NECAB1: variants seen among roughly 807,000 people sequenced by gnomAD.
NECAB1 encodes N-terminal EF-hand calcium binding protein 1.
Under a neutral mutation model 57.5 loss-of-function variants are expected in NECAB1, and 29 were observed. The ratio of observed to expected loss-of-function variants is 0.50; its 90% confidence interval spans 0.38 to 0.69. The LOEUF (loss-of-function observed/expected upper bound fraction) is 0.69, where lower values mean the gene tolerates loss of function less well. Ranked by LOEUF, NECAB1 falls within the 30% of genes least tolerant of loss-of-function variation. The pLI is 0.00. For missense variants in NECAB1, 372 were observed against 413.8 expected (o/e 0.90, Z 0.88); for synonymous variants, 142 against 147.7 (o/e 0.96, Z 0.28).
At chr8:90,908,185 G>A (rs1415321770) in intron 5 of NECAB1, among the ~76,000 whole-genome samples, 1 of 152,176 alleles carries the variant, frequency 6.6e-6, no homozygotes. Flanking sequence ...CATTACAAAT[G>A]AGTGTTATCC....
At chr8:90,928,058 G>A (rs1395711811) in intron 7 of NECAB1, among the ~76,000 whole-genome samples, 165 bp from the exon 8 acceptor site, 4 of 151,890 alleles carry the variant, frequency 2.6e-5, no homozygotes, top group African/African-American at 7.3e-5. Context: ...ATGGATCTAT[G>A]GAAATCAATA....
Position 90,955,628 on chromosome 8 carries a change from T to C in NECAB1, c.*116T>C. 7.3e-6 allele frequency: 5 copies of C among 682,426 alleles called. No individual in the cohort carries two copies. The highest frequency in any genetic ancestry group is 1.2e-5 in the Non-Finnish European group (5 of 422,296). 42.3% of individuals were successfully genotyped at this position (682,426 alleles called of 1,614,324 possible). On this transcript the variant is annotated 3_prime_UTR_variant, in exon 13 of 13. Transcript: ENST00000417640. ...CTACTGTATATTTTTGTTTGGTATA[T>C]TTACTAAGTGCACTCTTTCAAAACT...
At chr8:90,923,318 A>C (rs1586128864) in intron 6 of NECAB1, among the ~76,000 whole-genome samples, 1 of 152,236 alleles carries the variant, frequency 6.6e-6, no homozygotes, top group East Asian at 1.9e-4. Context: ...ACTGAAAGTC[A>C]CCATACTGAA....
chr8:90,901,201 CCTT>C (rs1335591213), intron 5 of NECAB1, among the ~76,000 whole-genome samples: 1 of 150,440 alleles, frequency 6.6e-6, no homozygotes, highest in Admixed American at 6.6e-5. Flanking sequence ...TTGAGAAAAA[CCTT>C]CTGAGGCTGA....
At chr8:90,940,490 G>T (rs1432783480) in intron 9 of NECAB1, 1 of 283,338 alleles carries the variant, frequency 3.5e-6, no homozygotes, top group South Asian at 6.1e-5. Flanking sequence ...CAGAGATTTT[G>T]ATATAAAGAT....
rs182562687 is a variant in NECAB1, at chr8:90,805,291, G to T, written c.124+3576G>T. ...CTTGCTAACAGACCCTCATGTGATA[G>T]AGTCCCTTGTGGACAGCATAATTGG... On this transcript the variant is annotated intron_variant, in intron 2 of 12. Transcript: ENST00000417640. Among the ~76,000 whole-genome samples, 4 of 152,282 alleles carry T rather than the reference G, an allele frequency of 2.6e-5. No individual in the cohort carries two copies. In the East Asian group the frequency reaches 7.7e-4, roughly 29 times the overall value.
intron 3 of NECAB1, among the ~76,000 whole-genome samples, chr8:90,863,267 A>G (rs1808444197): frequency 6.6e-6 from 1 of 152,126 alleles, no homozygotes; most frequent in African/African-American, 2.4e-5. Context: ...TAAGCCCACA[A>G]CATTCGGTTT....
intron 5 of NECAB1, among the ~76,000 whole-genome samples, chr8:90,891,167 A>G (rs1809156884): frequency 6.6e-6 from 1 of 152,240 alleles, no homozygotes; most frequent in South Asian, 2.1e-4. Context: ...GCATTAAGCA[A>G]TTTTGGACAT....
At chr8:90,886,794 A>T (rs1809005893) in intron 5 of NECAB1, among the ~76,000 whole-genome samples, 1 of 151,982 alleles carries the variant, frequency 6.6e-6, no homozygotes, top group African/African-American at 2.4e-5. Flanking sequence ...ATTTTCATTA[A>T]ATTTATAAAG....
chr8:90,887,128 A>G (rs1406327846), intron 5 of NECAB1, among the ~76,000 whole-genome samples: 3 of 152,128 alleles, frequency 2.0e-5, no homozygotes, highest in Non-Finnish European at 4.4e-5. Flanking sequence ...ATCATCCTTT[A>G]CTGATATTAC....
intron 3 of NECAB1, among the ~76,000 whole-genome samples, chr8:90,868,512 G>C (rs890949302): frequency 6.6e-6 from 1 of 152,126 alleles, no homozygotes; most frequent in Non-Finnish European, 1.5e-5. Context: ...CTGGATAAAG[G>C]TCATTCTCAC....
rs181364927 is a variant in NECAB1 at position 90,880,150 on chromosome 8, C to T, written c.260-883C>T. 1.6e-4 allele frequency among the ~76,000 whole-genome samples: 25 copies of T among 152,134 alleles called. No homozygotes were observed. In the East Asian group the frequency reaches 3.1e-3, roughly 19 times the overall value. On this transcript the variant is annotated intron_variant, in intron 4 of 12. Transcript: ENST00000417640. ...ATGCTGAAATGTATTCCCATAATCT[C>T]GAGTGGCTTATATGTGATAATATTT...
chr8:90,826,450 T>C (rs1274507182), intron 3 of NECAB1, among the ~76,000 whole-genome samples: 1 of 151,904 alleles, frequency 6.6e-6, no homozygotes, highest in East Asian at 1.9e-4. Context: ...TGGGGAAGAA[T>C]GTTTATTCGT....
chr8:90,813,269 AC>A (rs1261418652), intron 2 of NECAB1: 2 of 150,544 alleles, frequency 1.3e-5, no homozygotes, highest in African/African-American at 4.9e-5. Flanking sequence ...ACACACACAC[AC>A]ACTTGTATAA....
chr8:90,800,085 T>C (rs984548229), intron 1 of NECAB1, among the ~76,000 whole-genome samples: 6 of 152,188 alleles, frequency 3.9e-5, no homozygotes, highest in African/African-American at 1.4e-4. Context: ...TGGGATTGCA[T>C]TCTTGATTTG....
intron 3 of NECAB1, among the ~76,000 whole-genome samples, chr8:90,861,384 A>G (rs1176718677): frequency 3.3e-5 from 5 of 152,192 alleles, no homozygotes; most frequent in African/African-American, 9.6e-5. Flanking sequence ...TTTCCCTGAC[A>G]TAGGGCAAGA....
chr8:90,854,560 G>A (rs973676086), intron 3 of NECAB1, among the ~76,000 whole-genome samples: 2 of 152,146 alleles, frequency 1.3e-5, no homozygotes, highest in Admixed American at 6.5e-5. Flanking sequence ...TGTTATAACT[G>A]GGAGACTTCA....
At chr8:90,802,573 T>C (rs1811777014) in intron 2 of NECAB1, among the ~76,000 whole-genome samples, 2 of 152,190 alleles carry the variant, frequency 1.3e-5, no homozygotes, top group African/African-American at 4.8e-5. Context: ...TGAAATCCCA[T>C]TTATCTATGG....
At chr8:90,918,198 G>C (rs1233499727) in intron 6 of NECAB1, among the ~76,000 whole-genome samples, 1 of 151,088 alleles carries the variant, frequency 6.6e-6, no homozygotes, top group Non-Finnish European at 1.5e-5. Flanking sequence ...TTTTAGAAGA[G>C]ACGGGGTTTC....
Sources: allele counts gnomAD v4.1 joint callset (sites outside exome capture counted in the v4.1 genomes callset), GRCh38; gene constraint gnomAD v4.1.1; transcripts MANE v1.5; gene names NCBI Gene and HGNC (gene_info 2026-07-23, HGNC 2026-07-21).